Variants in SPAG16 observed in about 807,000 individuals in gnomAD.
SPAG16 encodes sperm-associated antigen 16 protein.
In SPAG16, 86 loss-of-function variants were observed where a neutral mutation model predicts 80.4. That is an observed-to-expected ratio of 1.07 (90% confidence interval 0.90 to 1.28). The LOEUF (loss-of-function observed/expected upper bound fraction) is 1.28. Ranked by LOEUF, SPAG16 falls within the 50% of genes most tolerant of loss-of-function variation. The pLI is 0.00. For missense variants in SPAG16, 870 were observed against 765.3 expected, an observed-to-expected ratio of 1.14 and a Z score of -1.61; for synonymous variants, 294 against 265.9, an observed-to-expected ratio of 1.11 and a Z score of -1.03.
intron 1 of SPAG16, among the ~76,000 whole-genome samples, chr2:213,286,398 C>T (rs763257590): frequency 7.2e-5 from 11 of 152,108 alleles, no homozygotes; most frequent in Non-Finnish European, 1.2e-4. Context: ...TTTCAACTCT[C>T]AGTTGAAATG....
At chr2:213,951,704 A>G (rs1244869667) in intron 12 of SPAG16, among the ~76,000 whole-genome samples, 1 of 152,200 alleles carries the variant, frequency 6.6e-6, no homozygotes, top group African/African-American at 2.4e-5. Context: ...GAAAGGATAA[A>G]CATTGAGGAG....
At chr2:213,592,139 G>A (rs2060714604) in intron 10 of SPAG16, among the ~76,000 whole-genome samples, 1 of 152,050 alleles carries the variant, frequency 6.6e-6, no homozygotes, top group Admixed American at 6.6e-5. Flanking sequence ...TTGGCTTTCA[G>A]CATATAAAAA....
At chr2:214,332,558 A>G (rs994525992) in intron 15 of SPAG16, among the ~76,000 whole-genome samples, 4 of 152,294 alleles carry the variant, frequency 2.6e-5, no homozygotes, top group African/African-American at 7.2e-5. Flanking sequence ...ACATGAGGCT[A>G]TGTTCCTCTG....
chr2:213,598,835 A>G (rs1406127687), intron 10 of SPAG16, among the ~76,000 whole-genome samples: 1 of 152,222 alleles, frequency 6.6e-6, no homozygotes, highest in Non-Finnish European at 1.5e-5. Context: ...GAGATGAAAC[A>G]TAACTAATTT....
intron 10 of SPAG16, among the ~76,000 whole-genome samples, chr2:213,721,119 G>A (rs1374234083): frequency 2.0e-5 from 3 of 151,560 alleles, no homozygotes; most frequent in African/African-American, 7.3e-5. Context: ...ATTAGTTTTT[G>A]AGATGGAGTC....
intron 10 of SPAG16, among the ~76,000 whole-genome samples, chr2:213,735,092 C>T (rs933055071): frequency 2.6e-5 from 4 of 152,202 alleles, no homozygotes; most frequent in Admixed American, 2.6e-4. Context: ...CTAATTTACC[C>T]CTTCCCCATA....
At chr2:213,821,295 C>T (rs909167543) in intron 10 of SPAG16, among the ~76,000 whole-genome samples, 3 of 152,034 alleles carry the variant, frequency 2.0e-5, no homozygotes, top group South Asian at 2.1e-4. Context: ...TGGCAGTTTA[C>T]GTTGACAAAA....
chr2:213,659,129 A>G (rs188436535), intron 10 of SPAG16, among the ~76,000 whole-genome samples: 38 of 152,328 alleles, frequency 2.5e-4, no homozygotes, highest in African/African-American at 8.9e-4. Flanking sequence ...GTATTCTTCA[A>G]TAGCTCTTAT....
intron 9 of SPAG16, among the ~76,000 whole-genome samples, chr2:213,407,661 A>G (rs1432703385): frequency 5.6e-5 from 8 of 143,028 alleles, no homozygotes; most frequent in Non-Finnish European, 6.1e-5. Flanking sequence ...GGAGAGAGAG[A>G]GGGGGAGAGA....
At chr2:213,660,997 T>C (rs758713517) in intron 10 of SPAG16, among the ~76,000 whole-genome samples, 2 of 152,158 alleles carry the variant, frequency 1.3e-5, no homozygotes, top group Non-Finnish European at 2.9e-5. Context: ...CACTCTTAAC[T>C]TGTCTTGTCT....
chr2:214,200,785 G>A (rs2057987966), intron 15 of SPAG16, among the ~76,000 whole-genome samples: 1 of 152,166 alleles, frequency 6.6e-6, no homozygotes, highest in Non-Finnish European at 1.5e-5. Flanking sequence ...TTTAATGTTT[G>A]TGAAACAAAT....
At chr2:213,350,999 G>A (rs59951859) in intron 7 of SPAG16, among the ~76,000 whole-genome samples, 8,100 of 151,660 alleles carry the variant, frequency 0.053, 701 homozygotes, top group African/African-American at 0.18. Context: ...ACAAATAGCC[G>A]GGTGTGGTGG....
At chr2:213,638,391 T>C (rs1035750839) in intron 10 of SPAG16, among the ~76,000 whole-genome samples, 1 of 152,170 alleles carries the variant, frequency 6.6e-6, no homozygotes, top group South Asian at 2.1e-4. Flanking sequence ...TGCTACTAAC[T>C]ATTTTCTTAG....
intron 10 of SPAG16, among the ~76,000 whole-genome samples, chr2:213,611,592 G>A (rs2061440803): frequency 6.6e-6 from 1 of 152,104 alleles, no homozygotes; most frequent in South Asian, 2.1e-4. Flanking sequence ...TTTACTCACA[G>A]ATAGCTACAC....
intron 15 of SPAG16, among the ~76,000 whole-genome samples, chr2:214,388,198 A>G (rs1015611313): frequency 4.2e-5 from 6 of 142,144 alleles, no homozygotes; most frequent in Non-Finnish European, 8.8e-5. Flanking sequence ...TTTATATTTT[A>G]TTAACAAATA....
At chr2:214,012,488 G>A (rs1405510470) in intron 12 of SPAG16, among the ~76,000 whole-genome samples, 2 of 150,810 alleles carry the variant, frequency 1.3e-5, no homozygotes, top group African/African-American at 4.9e-5. Flanking sequence ...TAGAGATGGG[G>A]TTTCACCATG....
chr2:214,408,632 T>C (rs947786881), intron 15 of SPAG16, among the ~76,000 whole-genome samples: 6 of 152,352 alleles, frequency 3.9e-5, no homozygotes, highest in African/African-American at 7.2e-5. Context: ...TATTTCACTA[T>C]AGCTTTTATG....
At chr2:214,275,965 A>C (rs1406572458) in intron 15 of SPAG16, among the ~76,000 whole-genome samples, 1 of 152,168 alleles carries the variant, frequency 6.6e-6, no homozygotes, top group East Asian at 1.9e-4. Flanking sequence ...TGCTTTATGC[A>C]TCTGGGTGCT....
At chr2:214,058,252 T>C (rs981835551) in intron 13 of SPAG16, among the ~76,000 whole-genome samples, 3 of 152,138 alleles carry the variant, frequency 2.0e-5, no homozygotes, top group African/African-American at 4.8e-5. Flanking sequence ...GAAAGATGTG[T>C]GACTCTTCCT....
Sources: gnomAD v4.1 joint callset for allele counts (sites outside exome capture counted in the v4.1 genomes callset) on GRCh38, gnomAD v4.1.1 for gene constraint, MANE v1.5 for transcripts, NCBI Gene and HGNC (gene_info 2026-07-23, HGNC 2026-07-21) for gene names.